Variants in GRM5 observed in about 807,000 individuals in gnomAD.
GRM5 encodes metabotropic glutamate receptor 5.
A neutral mutation model predicts 83.1 loss-of-function variants in GRM5; 19 were observed. The ratio of observed to expected loss-of-function variants is 0.23; its 90% confidence interval spans 0.16 to 0.34. GRM5 has a LOEUF of 0.34. Among genes scored for constraint, GRM5 ranks in the 10% least tolerant of loss-of-function variants. GRM5 has a pLI of 1.00. For synonymous variants in GRM5, 675 were observed against 633.6 expected (o/e 1.07, Z -0.98); for missense variants, 1,160 against 1,588.3 (o/e 0.73, Z 4.58).
chr11:88,586,158 G>A (rs1943311056), intron 7 of GRM5, among the ~76,000 whole-genome samples: 1 of 151,458 alleles, frequency 6.6e-6, no homozygotes, highest in Non-Finnish European at 1.5e-5. Flanking sequence ...GTAAAAAAAG[G>A]AACCTGTAAT....
intron 2 of GRM5, among the ~76,000 whole-genome samples, chr11:89,045,623 A>G (rs1941625723): frequency 6.6e-6 from 1 of 152,152 alleles, no homozygotes. Flanking sequence ...TAAATTTAGG[A>G]TAAAACAACA....
At chr11:88,831,020 C>G (rs975858274) in intron 3 of GRM5, among the ~76,000 whole-genome samples, 2 of 152,012 alleles carry the variant, frequency 1.3e-5, no homozygotes, top group African/African-American at 4.8e-5. Flanking sequence ...TACCCCCCAC[C>G]GAGGCCCTCC....
At chr11:88,990,665 T>C (rs1297743669) in intron 2 of GRM5, among the ~76,000 whole-genome samples, 2 of 148,784 alleles carry the variant, frequency 1.3e-5, no homozygotes, top group African/African-American at 2.5e-5. Context: ...TTATCCACCA[T>C]GATCAAGTGG....
At chr11:88,773,208 G>C (rs1474965350) in intron 3 of GRM5, among the ~76,000 whole-genome samples, 3 of 152,192 alleles carry the variant, frequency 2.0e-5, no homozygotes, top group Non-Finnish European at 4.4e-5. Flanking sequence ...CAGTGATGAT[G>C]AGCATTTTTT....
chr11:88,864,750 C>G lies in GRM5; in HGVS notation c.662-14595G>C, dbSNP rs367637386. 3.8e-4 allele frequency among the ~76,000 whole-genome samples: 58 copies of G among 152,078 alleles called. 1 individual carries two copies. Among genetic ancestry groups the G allele is most frequent in the African/African-American group, 1.4e-3 (58 of 41,506 alleles). On this transcript the variant is annotated intron_variant, in intron 2 of 9. Coordinates refer to ENST00000305447, the MANE Select transcript of GRM5 (RefSeq NM_001143831.3). ...GGCATCCTTGTCTTGTGCAGGATTT[C>G]AAATGGAATGTTGCCAGTTTTTGAC... is the stretch of plus-strand genomic sequence containing the variant.
intron 8 of GRM5, among the ~76,000 whole-genome samples, chr11:88,540,243 T>C (rs1471116606): frequency 6.6e-6 from 1 of 152,236 alleles, no homozygotes; most frequent in African/African-American, 2.4e-5. Context: ...CTTGCCCTTT[T>C]AACCCCTCCT....
intron 3 of GRM5, among the ~76,000 whole-genome samples, chr11:88,804,370 G>A (rs1943459571): frequency 6.7e-6 from 1 of 149,064 alleles, no homozygotes; most frequent in African/African-American, 2.5e-5. Flanking sequence ...AAAATGATGA[G>A]TTCATGTCCT....
chr11:88,568,454 A>T (rs1942917705), intron 7 of GRM5, among the ~76,000 whole-genome samples: 1 of 152,200 alleles, frequency 6.6e-6, no homozygotes, highest in African/African-American at 2.4e-5. Context: ...ACTGTAAGGA[A>T]GAGAGGCATG....
chr11:88,987,179 A>C (rs2054684895), intron 2 of GRM5, among the ~76,000 whole-genome samples: 1 of 152,092 alleles, frequency 6.6e-6, no homozygotes, highest in Admixed American at 6.5e-5. Flanking sequence ...AAGCAGGGTG[A>C]GGCATTGCCT....
At chr11:88,628,754 A>G (rs1309674440) in intron 4 of GRM5, among the ~76,000 whole-genome samples, 1 of 152,236 alleles carries the variant, frequency 6.6e-6, no homozygotes, top group African/African-American at 2.4e-5. Context: ...TCAAATAACC[A>G]GTAGCTTAAT....
intron 3 of GRM5, among the ~76,000 whole-genome samples, chr11:88,709,354 A>T (rs950953308): frequency 2.0e-5 from 3 of 152,094 alleles, no homozygotes; most frequent in Non-Finnish European, 1.5e-5. Flanking sequence ...AGGTCAGATC[A>T]TGGAGAGCCA....
At chr11:88,919,848 G>A (rs1283581812) in intron 2 of GRM5, among the ~76,000 whole-genome samples, 2 of 151,928 alleles carry the variant, frequency 1.3e-5, no homozygotes, top group African/African-American at 4.8e-5. Context: ...AATTCATGAA[G>A]CCAATGAAAA....
intron 3 of GRM5, among the ~76,000 whole-genome samples, chr11:88,656,937 T>G (rs1939780060): frequency 6.6e-6 from 1 of 152,096 alleles, no homozygotes; most frequent in Non-Finnish European, 1.5e-5. Flanking sequence ...GACCTGAGCA[T>G]CTTTAGATTT....
chr11:88,942,277 T>C (rs1938141035), intron 2 of GRM5, among the ~76,000 whole-genome samples: 1 of 152,108 alleles, frequency 6.6e-6, no homozygotes, highest in African/African-American at 2.4e-5. Flanking sequence ...TATTTTCAAA[T>C]GATTTGGCAA....
In GRM5 at chr11:88,606,941, GTT is replaced by G. The variant is rs36065663; in HGVS notation, c.1148-1979_1148-1978del. ...AAGAAATGTTTTCTTTAAGAAAGGT[GTT>G]TTTTTTTTTTTTTTTCAACAACAAC... On this transcript the variant is annotated intron_variant, in intron 4 of 9. Transcript: ENST00000305447. Among the ~76,000 whole-genome samples, 421 of 128,196 alleles carry G rather than the reference GTT, an allele frequency of 3.3e-3. 3 individuals carry two copies. The highest frequency in any genetic ancestry group is 0.01 in the African/African-American group (373 of 35,950). The allele number at this position is 128,196 out of a possible 152,430, so 84.1% of individuals were successfully genotyped here.
intron 4 of GRM5, among the ~76,000 whole-genome samples, chr11:88,640,844 A>T (rs1009892256): frequency 1.3e-5 from 2 of 152,146 alleles, no homozygotes; most frequent in African/African-American, 4.8e-5. Flanking sequence ...AACCTCCATT[A>T]GTTCAGCTAT....
chr11:88,609,782 G>A (rs1376266923), intron 4 of GRM5, among the ~76,000 whole-genome samples: 1 of 152,046 alleles, frequency 6.6e-6, no homozygotes, highest in Admixed American at 6.6e-5. Flanking sequence ...ATTGCTTTGG[G>A]GAATTTAGTC....
intron 2 of GRM5, among the ~76,000 whole-genome samples, chr11:88,885,509 C>G (rs1216572995): frequency 1.9e-5 from 2 of 107,612 alleles, no homozygotes; most frequent in Non-Finnish European, 3.3e-5. Flanking sequence ...GTGTTTGAAG[C>G]TGGGAGTTAG....
chr11:88,739,381 A>G (rs1303998731), intron 3 of GRM5, among the ~76,000 whole-genome samples: 1 of 152,106 alleles, frequency 6.6e-6, no homozygotes, highest in Non-Finnish European at 1.5e-5. Flanking sequence ...CCACTAAAGT[A>G]TTCTATAGGC....
Sources: gnomAD v4.1 joint callset for allele counts (sites outside exome capture counted in the v4.1 genomes callset) on GRCh38, gnomAD v4.1.1 for gene constraint, MANE v1.5 for transcripts, NCBI Gene and HGNC (gene_info 2026-07-23, HGNC 2026-07-21) for gene names.